The following WFDC8 variants were observed in gnomAD, a reference collection of about 807,000 sequenced individuals.
WFDC8 encodes WAP four-disulfide core domain protein 8.
WFDC8 carries 24 observed loss-of-function variants against 27.0 expected under a neutral mutation model. The ratio of observed to expected loss-of-function variants is 0.89; its 90% CI spans 0.64 to 1.25. The LOEUF (loss-of-function observed/expected upper bound fraction) is 1.25, where lower values mean the gene tolerates loss of function less well. Ranked by LOEUF, WFDC8 falls within the 50% of genes most tolerant of loss-of-function variation. The probability of loss-of-function intolerance (pLI) is 0.00; values close to 1 mark genes in which losing one functional copy is unlikely to be tolerated. For missense variants in WFDC8, 287 were observed against 295.9 expected (o/e 0.97, Z 0.22); for synonymous variants, 106 against 99.7 (o/e 1.06, Z -0.38).
rs35667695 is a variant in WFDC8, at chr20:45,556,002, A to AT, written c.278-135_278-134insA. 6 of 856,488 alleles carry AT rather than the reference A, an allele frequency of 7.0e-6. No homozygotes were observed. The East Asian group carries it at 1.6e-4, about 22-fold the overall frequency. 53.1% of individuals were successfully genotyped at this position (856,488 alleles called of 1,614,324 possible). A position where few individuals can be genotyped will look rare whatever the true frequency, so the allele number is the denominator to read the frequency against. ...AGGAGCCATGGCAGGGGAAAAAAAA[A>AT]GGCATAGGTTCTGGTCCCAGTTCTA... On this transcript the variant is annotated intron_variant, in intron 3 of 5. Coordinates refer to ENST00000289953, the MANE Select transcript of WFDC8 (RefSeq NM_130896.3).
Position 45,551,960 on chromosome 20 carries a change from A to G in WFDC8, c.*66T>C, listed in dbSNP as rs1600882819. 7 of 1,575,528 alleles carry G rather than the reference A, an allele frequency of 4.4e-6. No homozygotes were observed. The highest frequency in any genetic ancestry group is 1.7e-4 in the Middle Eastern group (1 of 5,912). On this transcript the variant is annotated 3_prime_UTR_variant, in exon 6 of 6. Transcript: ENST00000289953. ...TTTGGCAAGTTGGATACAAGACAAA[A>G]CTGACAGCTCTTTATCATGCTACTC... is the stretch of plus-strand genomic sequence containing the variant.
At chr20:45,560,150 T>C (rs1489579244) in intron 2 of WFDC8, among the ~76,000 whole-genome samples, 3 of 152,184 alleles carry the variant, frequency 2.0e-5, no homozygotes, top group Admixed American at 6.5e-5. Flanking sequence ...TAGAGAAGAA[T>C]TGATTAGAGA....
Position 45,558,890 on chromosome 20 carries a change from AAGC to A in WFDC8, c.236_238del (p.Cys79del), listed in dbSNP as rs369407671. 1.7e-4 allele frequency: 270 copies of A among 1,614,196 alleles called. 1 individual carries two copies. The highest frequency in any genetic ancestry group is 9.9e-4 in the Middle Eastern group (6 of 6,062). ...CATGCACTTCTTCTGACAGGCAAAA[AAGC>A]AGCACTTCTGGTATTCCTTGCAGTC... is the stretch of plus-strand genomic sequence containing the variant. On this transcript the variant is annotated inframe_deletion, in exon 3 of 6. Coordinates refer to ENST00000289953, the MANE Select transcript of WFDC8 (RefSeq NM_130896.3).
intron 1 of WFDC8, chr20:45,568,208 A>G: frequency 3.8e-6 from 1 of 265,404 alleles, no homozygotes; most frequent in Non-Finnish European, 7.7e-6. Flanking sequence ...GGAAGCCAAA[A>G]ACATCAGAGT....
chr20:45,577,063 CA>C (rs1981069984), intron 1 of WFDC8, among the ~76,000 whole-genome samples: 1 of 151,284 alleles, frequency 6.6e-6, no homozygotes, highest in East Asian at 1.9e-4. Flanking sequence ...TGCAGAATGG[CA>C]AAAAATTTGA....
At chr20:45,577,455 G>C (rs2046046653) in intron 1 of WFDC8, among the ~76,000 whole-genome samples, 1 of 149,946 alleles carries the variant, frequency 6.7e-6, no homozygotes, top group Admixed American at 6.6e-5. Context: ...CTAGAGTACA[G>C]TAGTGCGATC....
At chr20:45,579,145 T>G in intron 1 of WFDC8, 77 bp downstream of exon 1, 3 of 1,471,976 alleles carry the variant, frequency 2.0e-6, no homozygotes, top group Non-Finnish European at 2.8e-6. Context: ...CCACTCTAAC[T>G]TCTATGTATC....
intron 1 of WFDC8, among the ~76,000 whole-genome samples, chr20:45,563,647 T>A (rs6017621): frequency 0.38 from 58,307 of 152,068 alleles, 11,661 homozygotes; most frequent in Non-Finnish European, 0.43. Context: ...TGCCAACAAA[T>A]GTTCCTATTA....
At chr20:45,559,285 C>T (rs894865559) in intron 2 of WFDC8, among the ~76,000 whole-genome samples, 4 of 152,108 alleles carry the variant, frequency 2.6e-5, no homozygotes, top group African/African-American at 9.7e-5. Context: ...GATTTTCTCT[C>T]TTCTTGAAAC....
chr20:45,558,307 C>G (rs962955712), intron 3 of WFDC8, among the ~76,000 whole-genome samples: 1 of 152,150 alleles, frequency 6.6e-6, no homozygotes, highest in African/African-American at 2.4e-5. Flanking sequence ...GAATCTTTTC[C>G]CTCACTTCAA....
chr20:45,554,733 C>T (rs553377541), intron 4 of WFDC8, among the ~76,000 whole-genome samples: 1 of 152,150 alleles, frequency 6.6e-6, no homozygotes, highest in Non-Finnish European at 1.5e-5. Flanking sequence ...GCTTGTGGTC[C>T]TAGTTTCAAG....
chr20:45,555,992 G>C, intron 3 of WFDC8, 124 bp from the exon 4 acceptor site: 2 of 1,004,298 alleles, frequency 2.0e-6, no homozygotes, highest in Non-Finnish European at 2.9e-6. Flanking sequence ...CCATGGCAGG[G>C]GAAAAAAAAA....
chr20:45,564,326 C>A (rs1980570720), intron 1 of WFDC8, among the ~76,000 whole-genome samples: 1 of 152,128 alleles, frequency 6.6e-6, no homozygotes, highest in African/African-American at 2.4e-5. Flanking sequence ...GTAATCTCAG[C>A]ACTTTGAGAG....
chr20:45,558,648 C>T (rs569211340), intron 3 of WFDC8, among the ~76,000 whole-genome samples: 4 of 152,062 alleles, frequency 2.6e-5, no homozygotes, highest in African/African-American at 9.7e-5. Context: ...AATGTTGGAC[C>T]CAAGAAGACC....
chr20:45,568,610 G>A (rs916851139), intron 1 of WFDC8: 2 of 528,366 alleles, frequency 3.8e-6, no homozygotes, highest in Non-Finnish European at 7.7e-6. Context: ...TTATATTCCT[G>A]AATTCAGTGC....
At chr20:45,569,158 G>A (rs1219264519) in intron 1 of WFDC8, among the ~76,000 whole-genome samples, 1 of 152,192 alleles carries the variant, frequency 6.6e-6, no homozygotes, top group Non-Finnish European at 1.5e-5. Context: ...GGCACACAGG[G>A]TGCTAAAGAC....
intron 1 of WFDC8, among the ~76,000 whole-genome samples, chr20:45,573,240 A>G (rs7264976): frequency 0.33 from 50,548 of 152,080 alleles, 9,290 homozygotes; most frequent in Non-Finnish European, 0.42. Flanking sequence ...TCAGAGTTTT[A>G]TAGTTTCAGC....
intron 1 of WFDC8, among the ~76,000 whole-genome samples, chr20:45,571,863 T>G (rs959423917): frequency 5.3e-5 from 8 of 152,346 alleles, no homozygotes; most frequent in African/African-American, 1.9e-4. Context: ...ACCACTTTTT[T>G]ACCCATTTAT....
intron 1 of WFDC8, among the ~76,000 whole-genome samples, chr20:45,576,516 C>T (rs1457040450): frequency 6.6e-6 from 1 of 151,260 alleles, no homozygotes; most frequent in East Asian, 1.9e-4. Context: ...TCTTGTGCCT[C>T]GGCCTCCCAA....
Sources: gnomAD v4.1 joint callset for allele counts (sites outside exome capture counted in the v4.1 genomes callset) on GRCh38, gnomAD v4.1.1 for gene constraint, MANE v1.5 for transcripts, NCBI Gene and HGNC (gene_info 2026-07-23, HGNC 2026-07-21) for gene names.